The following TUSC3 variants were observed in gnomAD, a reference collection of about 807,000 sequenced individuals.
TUSC3 encodes the protein dolichyl-diphosphooligosaccharide--protein glycosyltransferase subunit TUSC3.
Under a neutral mutation model 44.8 loss-of-function variants are expected in TUSC3, and 45 were observed. The observed-to-expected ratio is 1.00, with a 90% CI of 0.79 to 1.29. The LOEUF is 1.29. Among genes scored for constraint, TUSC3 ranks in the 50% most tolerant of loss-of-function variants. TUSC3 has a pLI of 0.00. For missense variants in TUSC3, 519 were observed against 437.9 expected, an observed-to-expected ratio of 1.19 and a Z score of -1.65; for synonymous variants, 212 against 152.9, an observed-to-expected ratio of 1.39 and a Z score of -2.85.
the TUSC3 span, among the ~76,000 whole-genome samples, chr8:15,796,971 G>A: frequency 6.6e-6 from 1 of 152,150 alleles, no homozygotes; most frequent in Non-Finnish European, 1.5e-5. Context: ...TTGCTACTTG[G>A]AGCCTCTGGT....
At chr8:15,544,751 T>G (rs1199488084) in intron 1 of TUSC3, among the ~76,000 whole-genome samples, 1 of 151,778 alleles carries the variant, frequency 6.6e-6, no homozygotes. Context: ...TTTGCAGTGA[T>G]AACACAGGAA....
intron 6 of TUSC3, among the ~76,000 whole-genome samples, chr8:15,692,069 C>T (rs1027236196): frequency 6.6e-6 from 1 of 152,160 alleles, no homozygotes; most frequent in African/African-American, 2.4e-5. Flanking sequence ...TCGTGAGCCA[C>T]CACGCCTGGC....
At chr8:15,740,651 T>C (rs183481575) in intron 7 of TUSC3, among the ~76,000 whole-genome samples, 2 of 152,284 alleles carry the variant, frequency 1.3e-5, no homozygotes, top group East Asian at 1.9e-4. Context: ...AAATCAATAA[T>C]TGGGTAGTAT....
intron 6 of TUSC3, among the ~76,000 whole-genome samples, chr8:15,715,405 G>A (rs1810018307): frequency 6.6e-6 from 1 of 151,964 alleles, no homozygotes; most frequent in African/African-American, 2.4e-5. Flanking sequence ...TTCTTCCTGT[G>A]ATCTGTCAAC....
upstream of TUSC3, among the ~76,000 whole-genome samples, chr8:15,536,847 G>A (rs889300607): frequency 6.6e-6 from 1 of 151,824 alleles, no homozygotes; most frequent in Non-Finnish European, 1.5e-5. Context: ...GGTGTCTGGG[G>A]AGTCATGCCC....
chr8:15,611,806 C>T (rs1563133152), intron 1 of TUSC3, among the ~76,000 whole-genome samples: 2 of 151,968 alleles, frequency 1.3e-5, no homozygotes, highest in African/African-American at 2.4e-5. Context: ...CATTAATTGC[C>T]CTTTATATAT....
intron 6 of TUSC3, among the ~76,000 whole-genome samples, chr8:15,715,537 C>G (rs1023609492): frequency 6.6e-6 from 1 of 152,056 alleles, no homozygotes; most frequent in Non-Finnish European, 1.5e-5. Context: ...GAGATTTCAT[C>G]ACACTACTCG....
intron 3 of TUSC3, among the ~76,000 whole-genome samples, chr8:15,655,838 G>C (rs1460488990): frequency 6.6e-6 from 1 of 152,134 alleles, no homozygotes; most frequent in African/African-American, 2.4e-5. Context: ...TAATACTGGT[G>C]TGTAGCCTTC....
the TUSC3 span, among the ~76,000 whole-genome samples, chr8:15,779,604 T>C: frequency 1.3e-5 from 2 of 152,168 alleles, no homozygotes; most frequent in Admixed American, 1.3e-4. Flanking sequence ...GTTCTTACAA[T>C]TTACATCGAT....
chr8:15,664,185 A>T (rs909594507), intron 5 of TUSC3, among the ~76,000 whole-genome samples: 1 of 151,716 alleles, frequency 6.6e-6, no homozygotes. Flanking sequence ...CAACTTGTAG[A>T]AGCTTACAAA....
At chr8:15,820,076 T>C in the TUSC3 span, among the ~76,000 whole-genome samples, 1 of 152,308 alleles carries the variant, frequency 6.6e-6, no homozygotes, top group Non-Finnish European at 1.5e-5. Context: ...TGCTGTTCAA[T>C]ATTATCAAAT....
At chr8:15,598,628 A>G (rs1003319256) in intron 1 of TUSC3, among the ~76,000 whole-genome samples, 2 of 151,466 alleles carry the variant, frequency 1.3e-5, no homozygotes, top group East Asian at 1.9e-4. Flanking sequence ...TCTGGCAACC[A>G]CTGATCTTTT....
chr8:15,778,881 A>C, the TUSC3 span, among the ~76,000 whole-genome samples: 1 of 152,212 alleles, frequency 6.6e-6, no homozygotes, highest in Non-Finnish European at 1.5e-5. Context: ...CAATGACTAC[A>C]GATGAGGCAC....
At chr8:15,462,268 C>T (rs757210188) in intron 1 of TUSC3, among the ~76,000 whole-genome samples, 21 of 152,092 alleles carry the variant, frequency 1.4e-4, no homozygotes, top group Middle Eastern at 3.4e-3. Context: ...AATTATTTGA[C>T]GAGTGACTTT....
chr8:15,837,630 T>A, the TUSC3 span, among the ~76,000 whole-genome samples: 1,869 of 152,278 alleles, frequency 0.012, 18 homozygotes, highest in Middle Eastern at 0.02. Context: ...CCAGCCGAAC[T>A]CACATTTAAT....
At chr8:15,723,475 A>C (rs1031718956) in intron 6 of TUSC3, among the ~76,000 whole-genome samples, 6 of 152,202 alleles carry the variant, frequency 3.9e-5, no homozygotes, top group Non-Finnish European at 8.8e-5. Context: ...GCCTCTGGGG[A>C]AATCCAACAA....
chr8:15,512,318 A>G (rs1801148253), intron 2 of TUSC3, among the ~76,000 whole-genome samples: 1 of 152,198 alleles, frequency 6.6e-6, no homozygotes, highest in Non-Finnish European at 1.5e-5. Context: ...AGGTTTTAAC[A>G]GAAGAAAAAC....
At chr8:15,624,333 A>G (rs63366060) in intron 2 of TUSC3, among the ~76,000 whole-genome samples, 33,263 of 151,934 alleles carry the variant, frequency 0.22, 4,362 homozygotes, top group Non-Finnish European at 0.3. Context: ...GAAGAATGCC[A>G]CAGAGTGTGG....
the TUSC3 span, among the ~76,000 whole-genome samples, chr8:15,785,692 G>A: frequency 0.072 from 10,965 of 152,040 alleles, 530 homozygotes; most frequent in East Asian, 0.18. Context: ...TAAAGAGATG[G>A]ACAATAAGGT....
Sources: gnomAD v4.1 joint callset for allele counts (sites outside exome capture counted in the v4.1 genomes callset) on GRCh38, gnomAD v4.1.1 for gene constraint, MANE v1.5 for transcripts, NCBI Gene and HGNC (gene_info 2026-07-23, HGNC 2026-07-21) for gene names.